DYNC2H1: variants seen among roughly 807,000 people sequenced by gnomAD.
The protein encoded by DYNC2H1 is cytoplasmic dynein 2 heavy chain 1.
A neutral mutation model predicts 570.0 loss-of-function variants in DYNC2H1; 410 were observed. That is an observed-to-expected ratio of 0.72 (90% CI 0.66 to 0.78). The LOEUF (loss-of-function observed/expected upper bound fraction) is 0.78, where lower values mean the gene tolerates loss of function less well. DYNC2H1 is among the 30% of genes least tolerant of loss of function. The pLI is 0.00. For synonymous variants in DYNC2H1, 1,688 were observed against 1,677.6 expected (o/e 1.01, Z -0.15); for missense variants, 4,865 against 5,046.4 (o/e 0.96, Z 1.09).
chr11:103,266,567 G>A (rs1865513362), intron 70 of DYNC2H1, among the ~76,000 whole-genome samples: 1 of 152,178 alleles, frequency 6.6e-6, no homozygotes, highest in Non-Finnish European at 1.5e-5. Flanking sequence ...GTGGGTGGTG[G>A]GAGGTTGGGC....
rs761956137 is a variant in DYNC2H1, at chr11:103,133,586, A to G, written c.1985A>G (p.Gln662Arg). ...AAAGCAGGAAGTGGAGGGAAATCAC[A>G]GATAACTTGGGATAATCCTAAAGAA... ...NSKAGSGGKS[Q>R]ITWDNPKELE... is the part of the protein sequence containing the mutation. The change falls in exon 14 of 89, where the codon CAG becomes CGG. Residue 662 changes from glutamine to arginine, a missense_variant. Gln to Arg is a conservative substitution (Grantham distance 43). This residue lies in a region of DYNC2H1 where 1,936 missense variants were observed against 1,962.1 expected (regional missense o/e 0.99). Transcript: ENST00000375735. This position sits in a 1 kb window ranked among gnomAD's most constrained non-coding sequence, Gnocchi z 4.8. The G allele has an allele frequency of 1.1e-5, 17 of 1,610,422 alleles. No individual in the cohort carries two copies. Among genetic ancestry groups the G allele is most frequent in the Non-Finnish European group, 1.4e-5 (17 of 1,179,064 alleles).
intron 66 of DYNC2H1, among the ~76,000 whole-genome samples, chr11:103,255,098 C>G (rs1312589686): frequency 6.6e-6 from 1 of 151,884 alleles, no homozygotes; most frequent in Non-Finnish European, 1.5e-5. Flanking sequence ...TGAATACTTA[C>G]TATTAAAAAA....
rs563149478 is a variant in DYNC2H1 at position 103,451,091 on chromosome 11, T to C, written c.12457-4095T>C. On this transcript the variant is annotated intron_variant, in intron 85 of 88. Transcript: ENST00000375735. Reference sequence around the variant, plus strand: ...CTAAACATTTTCCAATTATATTAGATATTTTTCCAATACCAGTTTTTATTG... The same window carrying C: ...CTAAACATTTTCCAATTATATTAGACATTTTTCCAATACCAGTTTTTATTG... Among the ~76,000 whole-genome samples, 56 of 152,222 alleles carry C rather than the reference T, an allele frequency of 3.7e-4. 1 individual carries two copies. Among genetic ancestry groups the C allele is most frequent in the Non-Finnish European group, 7.2e-4 (49 of 67,998 alleles).
chr11:103,113,478 CA>C (rs1229620832), intron 1 of DYNC2H1, 58 bp from the exon 2 acceptor site: 13 of 1,351,904 alleles, frequency 9.6e-6, no homozygotes, highest in Non-Finnish European at 1.3e-5. Context: ...ACTTTGTCTA[CA>C]TTTTTTTCAA....
At chr11:103,314,284 A>T (rs940136330) in intron 79 of DYNC2H1, among the ~76,000 whole-genome samples, 1 of 152,110 alleles carries the variant, frequency 6.6e-6, no homozygotes, top group Non-Finnish European at 1.5e-5. Flanking sequence ...TTATAACTCA[A>T]ACAGTAGGTA....
chr11:103,185,360 TA>T lies in DYNC2H1; in HGVS notation c.6633+314del, dbSNP rs1862024020. ...TACATTAATAATTATTTCATTCATT[TA>T]AAAATCTTAGAATAGTTTAGTTTTT... On this transcript the variant is annotated intron_variant, in intron 41 of 88. Coordinates refer to ENST00000375735, the MANE Select transcript of DYNC2H1 (RefSeq NM_001377.3). The surrounding 1 kb of genome is among the most constrained non-coding windows in gnomAD (Gnocchi z 4.5). Among the ~76,000 whole-genome samples the T allele has an allele frequency of 6.6e-6, 1 of 151,882 alleles. No homozygotes were observed. The highest frequency in any genetic ancestry group is 6.6e-5 in the Admixed American group (1 of 15,190).
intron 28 of DYNC2H1, among the ~76,000 whole-genome samples, chr11:103,159,464 A>G (rs1430922821): frequency 6.6e-6 from 1 of 152,138 alleles, no homozygotes; most frequent in Non-Finnish European, 1.5e-5. Flanking sequence ...GAGATACTCC[A>G]TAGGCAGTTA....
intron 9 of DYNC2H1, 80 bp downstream of exon 9, chr11:103,121,116 G>T: frequency 1.1e-6 from 1 of 950,916 alleles, no homozygotes; most frequent in Non-Finnish European, 1.5e-6. Context: ...ATACCATTTA[G>T]GATTAAAGAT....
intron 20 of DYNC2H1, among the ~76,000 whole-genome samples, chr11:103,149,057 G>T: frequency 6.6e-6 from 1 of 152,074 alleles, no homozygotes; most frequent in African/African-American, 2.4e-5. Context: ...ACTCTGTCTC[G>T]AAATAAATAA....
At chr11:103,140,673 AT>A (rs1859862816) in intron 17 of DYNC2H1, among the ~76,000 whole-genome samples, 1 of 151,990 alleles carries the variant, frequency 6.6e-6, no homozygotes, top group South Asian at 2.1e-4. Flanking sequence ...GAATCTGACA[AT>A]TATGTGTCTT....
intron 85 of DYNC2H1, among the ~76,000 whole-genome samples, chr11:103,450,632 T>C (rs1426072406): frequency 1.3e-5 from 2 of 152,210 alleles, no homozygotes; most frequent in African/African-American, 4.8e-5. Flanking sequence ...ATTAATTTAA[T>C]TGAATAAAAA....
chr11:103,124,202 T>C (rs1305998966), intron 11 of DYNC2H1, among the ~76,000 whole-genome samples: 1 of 152,038 alleles, frequency 6.6e-6, no homozygotes, highest in Non-Finnish European at 1.5e-5. Context: ...CCCAGTACTT[T>C]GGGAGGCCAA....
chr11:103,396,797 A>C (rs1303718380), intron 83 of DYNC2H1, among the ~76,000 whole-genome samples: 1 of 152,216 alleles, frequency 6.6e-6, no homozygotes, highest in Non-Finnish European at 1.5e-5. Flanking sequence ...ACTCAGCCAT[A>C]AAAAAGAATG....
intron 79 of DYNC2H1, among the ~76,000 whole-genome samples, chr11:103,312,635 A>G (rs1867654805): frequency 6.6e-6 from 1 of 150,958 alleles, no homozygotes; most frequent in Admixed American, 6.7e-5. Context: ...TTGGCTCATG[A>G]CTTAAATTTA....
At chr11:103,470,721 C>T (rs1367128703) in intron 88 of DYNC2H1, among the ~76,000 whole-genome samples, 1 of 152,190 alleles carries the variant, frequency 6.6e-6, no homozygotes, top group African/African-American at 2.4e-5. Context: ...CAGCTTCATC[C>T]ATGACCCTAC....
At chr11:103,350,389 A>G (rs192046463) in intron 82 of DYNC2H1, among the ~76,000 whole-genome samples, 2 of 152,154 alleles carry the variant, frequency 1.3e-5, no homozygotes, top group African/African-American at 4.8e-5. Flanking sequence ...TAATTCTTAG[A>G]CATTTAATTG....
Position 103,135,799 on chromosome 11 carries a change from A to T in DYNC2H1, c.2425A>T (p.Ile809Phe). ...TAGAGAAATGAAGAGATTCATCGGC[A>T]TTCCAAATCAGTTTAAGGGAGTGGG... Reference protein sequence around the residue: ...YYREMKRFIGIPNQFKGVGEA... With the variant: ...YYREMKRFIGFPNQFKGVGEA... The change falls in exon 17 of 89, where the codon ATT (isoleucine) becomes TTT (phenylalanine). Residue 809 changes from isoleucine to phenylalanine, a missense_variant. Ile to Phe is a conservative substitution (Grantham distance 21). Transcript: ENST00000375735. 6.2e-7 allele frequency: 1 copy of T among 1,613,230 alleles called. No individual in the cohort carries two copies. The highest frequency in any genetic ancestry group is 1.1e-5 in the South Asian group (1 of 90,954).
In DYNC2H1 at chr11:103,185,464, T is replaced by C. The variant is rs1862027301; in HGVS notation, c.6633+413T>C. 6.6e-6 allele frequency among the ~76,000 whole-genome samples: 1 copy of C among 151,914 alleles called. No individual in the cohort carries two copies. The highest frequency in any genetic ancestry group is 2.1e-4 in the South Asian group (1 of 4,830). On this transcript the variant is annotated intron_variant, in intron 41 of 88. Coordinates refer to ENST00000375735, the MANE Select transcript of DYNC2H1 (RefSeq NM_001377.3). This position sits in a 1 kb window ranked among gnomAD's most constrained non-coding sequence, Gnocchi z 4.5. ...AATTATTAATAAATATTTTCTTTAA[T>C]ATATGTTAAAGTTGTATTACAGTCA...
rs1259532232 is a variant in DYNC2H1, at chr11:103,334,290, A to G, written c.12039+10300A>G. Among the ~76,000 whole-genome samples the G allele has an allele frequency of 6.6e-6, 1 of 152,304 alleles. No homozygotes were observed. The highest frequency in any genetic ancestry group is 2.4e-5 in the African/African-American group (1 of 41,574). Reference sequence around the variant, plus strand: ...GTAAAACATTGAGGATTCTACTGGTAAAGAAAAAAAGCAAGCAAGGATGGT... The same window carrying G: ...GTAAAACATTGAGGATTCTACTGGTGAAGAAAAAAAGCAAGCAAGGATGGT... On this transcript the variant is annotated intron_variant, in intron 82 of 88. Transcript: ENST00000375735. This position sits in a 1 kb window ranked among gnomAD's most constrained non-coding sequence, Gnocchi z 4.3.
Sources: allele counts gnomAD v4.1 joint callset (sites outside exome capture counted in the v4.1 genomes callset), GRCh38; gene constraint gnomAD v4.1.1; regional missense constraint gnomAD v4.1.1; non-coding constraint Gnocchi (gnomAD v3.1); transcripts MANE v1.5; gene names NCBI Gene and HGNC (gene_info 2026-07-23, HGNC 2026-07-21).